The following C2CD3 variants were observed in gnomAD, a reference collection of about 807,000 sequenced individuals.
C2CD3 encodes the protein C2 domain containing 3 centriole elongation regulator.
In C2CD3, 148 loss-of-function variants were observed where a neutral mutation model predicts 234.0. The observed-to-expected ratio is 0.63, with a 90% CI of 0.55 to 0.72. The LOEUF is 0.72. Ranked by LOEUF, C2CD3 falls within the 30% of genes least tolerant of loss-of-function variation. The pLI is 0.00. For missense variants in C2CD3, 2,577 were observed against 2,811.5 expected, an observed-to-expected ratio of 0.92 and a Z score of 1.89; for synonymous variants, 1,000 against 1,035.4, an observed-to-expected ratio of 0.97 and a Z score of 0.66.
At chr11:74,037,773 C>CATAAG in intron 29 of C2CD3, 75 bp from the exon 30 acceptor site, 2 of 1,154,482 alleles carry the variant, frequency 1.7e-6, no homozygotes, top group Non-Finnish European at 2.5e-6. Flanking sequence ...GTCCCCTGGA[C>CATAAG]ACTACCGCTT....
intron 20 of C2CD3, 113 bp downstream of exon 20, chr11:74,090,700 T>C: frequency 9.1e-7 from 1 of 1,103,672 alleles, no homozygotes; most frequent in Non-Finnish European, 1.3e-6. Flanking sequence ...AAAAGAGGAG[T>C]TGTGGTTAGT....
At chr11:74,064,961 A>G (rs1954438537) in intron 24 of C2CD3, among the ~76,000 whole-genome samples, 1 of 152,242 alleles carries the variant, frequency 6.6e-6, no homozygotes, top group South Asian at 2.1e-4. Flanking sequence ...AAAACCATAA[A>G]AACCCTAGAA....
chr11:74,108,650 A>C (rs1413250623), intron 12 of C2CD3, among the ~76,000 whole-genome samples: 1 of 152,196 alleles, frequency 6.6e-6, no homozygotes, highest in African/African-American at 2.4e-5. Flanking sequence ...TAAAGAGGTT[A>C]AGAACTTGAG....
At position 74,090,727 on chromosome 11, in the gene C2CD3, C is replaced by T. The variant is rs555376695; in HGVS notation, c.3641+86G>A. ...GTGGTTAGTGAACTGGAAATTATAC[C>T]TAAGAAAGTTTTGCATATCTGAGCA... On this transcript the variant is annotated intron_variant, in intron 20 of 32. Coordinates refer to ENST00000334126, the MANE Select transcript of C2CD3 (RefSeq NM_001286577.2). The T allele has an allele frequency of 1.1e-4, 162 of 1,458,434 alleles. No individual in the cohort carries two copies. The African/African-American group carries it at 1.6e-3, about 14-fold the overall frequency. The allele number at this position is 1,458,434 out of a possible 1,614,324, so 90.3% of individuals were successfully genotyped here. A position where few individuals can be genotyped will look rare whatever the true frequency, so the allele number is the denominator to read the frequency against.
chr11:74,078,524 T>C lies in C2CD3; in HGVS notation c.4194A>G (p.Arg1398=). The part of the protein sequence containing the change: ...SFENSLKDFV[R]MDEGEPATVT... ...CAGTGGCTGGCTCCCCTTCATCCAT[T>C]CTGACAAAATCTTTCAGGCTGTTCT... is the stretch of plus-strand genomic sequence containing the variant. Residue 1398 remains arginine, a synonymous_variant, in exon 23 of 33, where the codon AGA becomes AGG. Transcript: ENST00000334126. The C allele has an allele frequency of 6.2e-7, 1 of 1,614,132 alleles. No individual in the cohort carries two copies. The highest frequency in any genetic ancestry group is 1.1e-5 in the South Asian group (1 of 91,078).
In C2CD3 at chr11:74,109,120, C is replaced by G. The variant is rs1956647879; in HGVS notation, c.1876G>C (p.Val626Leu). 1 of 1,595,228 alleles carries G rather than the reference C, an allele frequency of 6.3e-7. No homozygotes were observed. Among genetic ancestry groups the G allele is most frequent in the Admixed American group, 1.8e-5 (1 of 56,028 alleles). The stretch of plus-strand genomic sequence containing the variant: ...TCTATCATTGGGCCACCAAACTGTA[C>G]TGGAAACACAAATCGCTGCTGGAAC... ...VKFQQRFVFPVQFGGPMIEHW... is the reference protein window; with the variant it reads ...VKFQQRFVFPLQFGGPMIEHW... The change falls in exon 12 of 33, where the codon GTA becomes CTA. Residue 626 changes from valine (V) to leucine (L), a missense_variant. Val to Leu is a conservative substitution (Grantham distance 32). Transcript: ENST00000334126.
intron 24 of C2CD3, among the ~76,000 whole-genome samples, chr11:74,062,504 C>A (rs1222921409): frequency 6.6e-6 from 1 of 152,142 alleles, no homozygotes; most frequent in East Asian, 1.9e-4. Flanking sequence ...GGAAACTGAA[C>A]AACCTGCTCC....
intron 2 of C2CD3, among the ~76,000 whole-genome samples, chr11:74,165,959 T>C (rs1856776967): frequency 6.6e-6 from 1 of 152,146 alleles, no homozygotes; most frequent in Admixed American, 6.5e-5. Context: ...CACCAAAGTA[T>C]TGGGATTACA....
intron 3 of C2CD3, among the ~76,000 whole-genome samples, chr11:74,157,730 T>G (rs931886282): frequency 6.6e-6 from 1 of 152,222 alleles, no homozygotes; most frequent in Admixed American, 6.5e-5. Flanking sequence ...TCCTGGAATT[T>G]CTAAGGGGTT....
At chr11:74,052,896 C>T (rs1565232344) in intron 26 of C2CD3, among the ~76,000 whole-genome samples, 1 of 152,220 alleles carries the variant, frequency 6.6e-6, no homozygotes, top group African/African-American at 2.4e-5. Flanking sequence ...AAACAAAAAA[C>T]TGTGACTCTG....
chr11:74,017,233 C>T (rs530087606), intron 32 of C2CD3, among the ~76,000 whole-genome samples: 5 of 152,164 alleles, frequency 3.3e-5, no homozygotes, highest in Non-Finnish European at 7.3e-5. Context: ...CTGTAAGGGC[C>T]TTCCCAGGGA....
At chr11:74,059,682 T>C (rs1424631442) in intron 24 of C2CD3, among the ~76,000 whole-genome samples, 1 of 152,152 alleles carries the variant, frequency 6.6e-6, no homozygotes, top group African/African-American at 2.4e-5. Flanking sequence ...GATGGCCGAA[T>C]AGGAACAGCT....
rs58670711 is a variant in C2CD3 at position 74,028,256 on chromosome 11, T to C, written c.6921+31A>G. On this transcript the variant is annotated intron_variant, in intron 32 of 32. Coordinates refer to ENST00000334126, the MANE Select transcript of C2CD3 (RefSeq NM_001286577.2). ...TTCTGTGGAAGAGATGATGACTCTA[T>C]AGAAGAAAGGTCAGTTGGCCATTCT... is the stretch of plus-strand genomic sequence containing the variant. The C allele has an allele frequency of 0.012, 17,415 of 1,422,116 alleles. 1,557 individuals are homozygous for C. In the African/African-American group the frequency reaches 0.2, roughly 17 times the overall value. 88.1% of individuals were successfully genotyped at this position (1,422,116 alleles called of 1,614,324 possible). A position where few individuals can be genotyped will look rare whatever the true frequency, so the allele number is the denominator to read the frequency against.
chr11:74,108,455 C>T (rs1011744655), intron 12 of C2CD3, among the ~76,000 whole-genome samples: 1 of 152,162 alleles, frequency 6.6e-6, no homozygotes, highest in African/African-American at 2.4e-5. Context: ...TATTGATTTA[C>T]ATTATGCCAG....
intron 7 of C2CD3, among the ~76,000 whole-genome samples, chr11:74,125,381 G>A (rs903968613): frequency 6.6e-6 from 1 of 152,136 alleles, no homozygotes; most frequent in Non-Finnish European, 1.5e-5. Context: ...GCCCAGGCTG[G>A]TCTTGAACTA....
chr11:74,023,603 T>A lies in C2CD3; in HGVS notation c.6921+4684A>T, dbSNP rs766654634. The stretch of plus-strand genomic sequence containing the variant: ...TATTGGGTGAGTTTTCTTTTTCCTC[T>A]CAAAAGGCCAATACCTCCATGTGTG... On this transcript the variant is annotated intron_variant, in intron 32 of 32. Coordinates refer to ENST00000334126, the MANE Select transcript of C2CD3 (RefSeq NM_001286577.2). Among the ~76,000 whole-genome samples the A allele has an allele frequency of 2.0e-4, 31 of 152,294 alleles. 1 individual carries two copies. In the Middle Eastern group the frequency reaches 0.01, roughly 50 times the overall value.
At chr11:74,146,710 C>CCACCCACACACACA (rs1855214027) in intron 3 of C2CD3, among the ~76,000 whole-genome samples, 1 of 84,960 alleles carries the variant, frequency 1.2e-5, no homozygotes, top group South Asian at 3.4e-4. Flanking sequence ...AAAAGTCAAA[C>CCACCCACACACACA]CACACACACA....
intron 3 of C2CD3, among the ~76,000 whole-genome samples, chr11:74,151,584 C>T (rs753660087): frequency 5.9e-5 from 9 of 152,056 alleles, no homozygotes; most frequent in Non-Finnish European, 1.3e-4. Context: ...GCCTTGGCCT[C>T]CCAAAGTGCT....
chr11:74,141,019 C>T (rs1399256927), intron 3 of C2CD3, among the ~76,000 whole-genome samples: 1 of 151,904 alleles, frequency 6.6e-6, no homozygotes, highest in African/African-American at 2.4e-5. Context: ...AGGATATACT[C>T]CAAAGGAAAA....
Sources: gnomAD v4.1 joint callset for allele counts (sites outside exome capture counted in the v4.1 genomes callset) on GRCh38, gnomAD v4.1.1 for gene constraint, MANE v1.5 for transcripts, NCBI Gene and HGNC (gene_info 2026-07-23, HGNC 2026-07-21) for gene names.